The following NETO1 variants were observed in gnomAD, a reference collection of about 807,000 sequenced individuals.
The protein encoded by NETO1 is neuropilin and tolloid-like protein 1.
NETO1 carries 26 observed loss-of-function variants against 61.3 expected under a neutral mutation model. That is an observed-to-expected ratio of 0.42 (90% CI 0.31 to 0.59). The LOEUF (loss-of-function observed/expected upper bound fraction) is 0.59, where lower values mean the gene tolerates loss of function less well. NETO1 is among the 20% of genes least tolerant of loss of function. The probability of loss-of-function intolerance (pLI) is 0.12; values close to 1 mark genes in which losing one functional copy is unlikely to be tolerated. For missense variants in NETO1, 531 were observed against 662.8 expected, an observed-to-expected ratio of 0.80 and a Z score of 2.18; for synonymous variants, 225 against 225.8, an observed-to-expected ratio of 1.00 and a Z score of 0.03.
At position 72,782,091 on chromosome 18, in the gene NETO1, C is replaced by T. The variant is rs529348556; in HGVS notation, c.868+1587G>A. On this transcript the variant is annotated intron_variant, in intron 7 of 10. Transcript: ENST00000327305. ...TTTAGCTCTCACTTATTGGTGAGAA[C>T]GTGCGGTATTTGATTTTCTGTTACT... Among the ~76,000 whole-genome samples the T allele has an allele frequency of 9.4e-4, 143 of 152,168 alleles. 1 individual carries two copies. Among genetic ancestry groups the T allele is most frequent in the Middle Eastern group, 3.4e-3 (1 of 294 alleles).
chr18:72,783,025 C>T lies in NETO1; in HGVS notation c.868+653G>A, dbSNP rs149778424. ...ATTTCTCAGAATCCTTTTTCACTTG[C>T]ATAAATTTGTAACACATGAAATATT... On this transcript the variant is annotated intron_variant, in intron 7 of 10. Coordinates refer to ENST00000327305, the MANE Select transcript of NETO1 (RefSeq NM_138966.5). Among the ~76,000 whole-genome samples the T allele has an allele frequency of 5.2e-3, 793 of 152,250 alleles. 5 individuals are homozygous for T. The highest frequency in any genetic ancestry group is 8.6e-3 in the Non-Finnish European group (584 of 68,012).
intron 7 of NETO1, among the ~76,000 whole-genome samples, chr18:72,765,250 C>T (rs763633202): frequency 1.3e-5 from 2 of 152,150 alleles, no homozygotes; most frequent in Non-Finnish European, 2.9e-5. Flanking sequence ...CTTCCCACCA[C>T]ATCACCCATG....
At chr18:72,835,787 T>C (rs1369692538) in intron 4 of NETO1, among the ~76,000 whole-genome samples, 2 of 152,228 alleles carry the variant, frequency 1.3e-5, no homozygotes, top group East Asian at 1.9e-4. Flanking sequence ...GAAAATTATA[T>C]TTCATGTATA....
intron 7 of NETO1, among the ~76,000 whole-genome samples, chr18:72,777,625 C>T (rs1390300330): frequency 6.6e-6 from 1 of 151,628 alleles, no homozygotes; most frequent in African/African-American, 2.4e-5. Flanking sequence ...TGCCTGTAGT[C>T]CCAGCTACTT....
At chr18:72,863,007 T>C (rs1353085871) in intron 3 of NETO1, among the ~76,000 whole-genome samples, 3 of 152,186 alleles carry the variant, frequency 2.0e-5, no homozygotes, top group Admixed American at 6.5e-5. Flanking sequence ...ATGATTTACT[T>C]GGACTTTTGG....
chr18:72,859,542 TA>T (rs2074506072), intron 3 of NETO1, among the ~76,000 whole-genome samples: 1 of 152,198 alleles, frequency 6.6e-6, no homozygotes. Flanking sequence ...AATGCATATA[TA>T]AGGACATTAA....
intron 8 of NETO1, among the ~76,000 whole-genome samples, chr18:72,750,872 TACACACAC>T (rs142668353): frequency 0.011 from 1,336 of 118,736 alleles, 19 homozygotes; most frequent in South Asian, 0.022. Flanking sequence ...CAGCTTAAAA[TACACACAC>T]ACACACACAC....
At chr18:72,774,894 A>G (rs2071493921) in intron 7 of NETO1, among the ~76,000 whole-genome samples, 2 of 152,216 alleles carry the variant, frequency 1.3e-5, no homozygotes, top group Non-Finnish European at 1.5e-5. Context: ...TTAGCTTATT[A>G]CTAAGCCTAC....
chr18:72,770,142 T>C (rs1316500534), intron 7 of NETO1, among the ~76,000 whole-genome samples: 1 of 152,092 alleles, frequency 6.6e-6, no homozygotes, highest in Non-Finnish European at 1.5e-5. Flanking sequence ...TTTACTAATA[T>C]GTTTACATGT....
intron 4 of NETO1, among the ~76,000 whole-genome samples, chr18:72,846,323 T>C (rs539877647): frequency 6.6e-6 from 1 of 151,160 alleles, no homozygotes; most frequent in African/African-American, 2.4e-5. Flanking sequence ...GCCAATATGG[T>C]GAAATCCCGT....
chr18:72,829,428 A>G (rs1477119844), intron 4 of NETO1, among the ~76,000 whole-genome samples: 1 of 152,238 alleles, frequency 6.6e-6, no homozygotes, highest in Non-Finnish European at 1.5e-5. Flanking sequence ...CCAATCAGTT[A>G]TTCAATCTTA....
chr18:72,816,473 G>C (rs555798326), intron 4 of NETO1, among the ~76,000 whole-genome samples: 2 of 152,156 alleles, frequency 1.3e-5, no homozygotes, highest in African/African-American at 4.8e-5. Flanking sequence ...CTACAGTCAG[G>C]AAGAAGGCTG....
chr18:72,747,603 G>A lies in NETO1; in HGVS notation c.*576C>T, dbSNP rs2070459027. 1 of 151,990 alleles carries A rather than the reference G, an allele frequency of 6.6e-6. No individual in the cohort carries two copies. The highest frequency in any genetic ancestry group is 2.4e-5 in the African/African-American group (1 of 41,412). 9.4% of individuals were successfully genotyped at this position (151,990 alleles called of 1,614,324 possible). ...TTATTGCAATCTAGTAATTTTACTT[G>A]TTACTTTTTCCTGTATTTAATCAGA... On this transcript the variant is annotated 3_prime_UTR_variant, in exon 11 of 11. Coordinates refer to ENST00000327305, the MANE Select transcript of NETO1 (RefSeq NM_138966.5).
At chr18:72,807,108 C>T (rs2072699377) in intron 4 of NETO1, among the ~76,000 whole-genome samples, 1 of 152,136 alleles carries the variant, frequency 6.6e-6, no homozygotes. Context: ...TTAATTCACT[C>T]GTCTAGAAGC....
intron 4 of NETO1, among the ~76,000 whole-genome samples, chr18:72,845,217 C>G (rs921323832): frequency 6.6e-6 from 1 of 152,124 alleles, no homozygotes; most frequent in Non-Finnish European, 1.5e-5. Flanking sequence ...ATATAAGTAG[C>G]CTGACTGTAT....
chr18:72,840,693 C>T (rs1277267983), intron 4 of NETO1, among the ~76,000 whole-genome samples: 1 of 152,014 alleles, frequency 6.6e-6, no homozygotes, highest in African/African-American at 2.4e-5. Flanking sequence ...TTAGACTTAA[C>T]CAACCATTCA....
At chr18:72,811,239 G>A (rs570579127) in intron 4 of NETO1, among the ~76,000 whole-genome samples, 190 of 152,044 alleles carry the variant, frequency 1.2e-3, no homozygotes, top group Non-Finnish European at 2.4e-3. Context: ...TCACCCTAAC[G>A]GCACCACCTG....
chr18:72,760,998 T>C (rs1328637069), intron 7 of NETO1, among the ~76,000 whole-genome samples: 1 of 152,122 alleles, frequency 6.6e-6, no homozygotes, highest in Non-Finnish European at 1.5e-5. Context: ...TTACCTGTTC[T>C]TGAACTACCA....
At chr18:72,748,349 T>C (rs1336074751) in intron 10 of NETO1, 185 bp from the exon 11 acceptor site, 14 of 962,204 alleles carry the variant, frequency 1.5e-5, no homozygotes, top group Non-Finnish European at 1.7e-5. Flanking sequence ...TAGGCTAATA[T>C]AGATATAAAC....
Sources: gnomAD v4.1 joint callset for allele counts (sites outside exome capture counted in the v4.1 genomes callset) on GRCh38, gnomAD v4.1.1 for gene constraint, MANE v1.5 for transcripts, NCBI Gene and HGNC (gene_info 2026-07-23, HGNC 2026-07-21) for gene names.